Variants in PTPRD observed in about 807,000 individuals in gnomAD.
PTPRD encodes the protein receptor-type tyrosine-protein phosphatase delta.
A neutral mutation model predicts 214.5 loss-of-function variants in PTPRD; 34 were observed. The observed-to-expected ratio is 0.16, with a 90% CI of 0.12 to 0.21. The LOEUF (loss-of-function observed/expected upper bound fraction) is 0.21. PTPRD is among the 10% of genes least tolerant of loss of function. The probability of loss-of-function intolerance (pLI) is 1.00; values close to 1 mark genes in which losing one functional copy is unlikely to be tolerated. For missense variants in PTPRD, 2,545 were observed against 2,398.7 expected (o/e 1.06, Z -1.27); for synonymous variants, 1,128 against 845.7 (o/e 1.33, Z -5.79).
intron 11 of PTPRD, among the ~76,000 whole-genome samples, chr9:8,964,491 C>T (rs754016197): frequency 6.6e-6 from 1 of 151,496 alleles, no homozygotes; most frequent in East Asian, 1.9e-4. Flanking sequence ...TCCTGTTTAT[C>T]CTTTTAAAGA....
intron 3 of PTPRD, among the ~76,000 whole-genome samples, chr9:10,129,576 T>C (rs1436626112): frequency 6.7e-6 from 1 of 149,158 alleles, no homozygotes; most frequent in African/African-American, 2.5e-5. Flanking sequence ...TCTCACCTAC[T>C]ATCAAGAAAT....
intron 14 of PTPRD, among the ~76,000 whole-genome samples, chr9:8,620,682 G>C (rs781763231): frequency 2.0e-5 from 3 of 151,934 alleles, no homozygotes; most frequent in African/African-American, 4.8e-5. Context: ...AGCAGTGGAT[G>C]TGTACTGCCT....
At chr9:10,284,789 A>G (rs1357648416) in intron 3 of PTPRD, among the ~76,000 whole-genome samples, 5 of 152,078 alleles carry the variant, frequency 3.3e-5, no homozygotes, top group Non-Finnish European at 7.4e-5. Context: ...GGAGAGAGAG[A>G]GAGAGAGCAT....
chr9:10,302,843 T>C (rs1438546294), intron 3 of PTPRD, among the ~76,000 whole-genome samples: 1 of 152,114 alleles, frequency 6.6e-6, no homozygotes, highest in Non-Finnish European at 1.5e-5. Context: ...CTGTCAATAT[T>C]AGACAGATCA....
intron 11 of PTPRD, among the ~76,000 whole-genome samples, chr9:8,748,421 C>T (rs372494551): frequency 6.5e-4 from 97 of 149,848 alleles, no homozygotes; most frequent in African/African-American, 2.2e-3. Flanking sequence ...AGGATATAAA[C>T]CCAGGCATTC....
intron 10 of PTPRD, among the ~76,000 whole-genome samples, chr9:9,156,416 C>T (rs1180175110): frequency 6.6e-6 from 1 of 151,174 alleles, no homozygotes; most frequent in Non-Finnish European, 1.5e-5. Flanking sequence ...TTCATACTTG[C>T]TCACCTTTTT....
At chr9:9,058,691 C>T (rs200763793) in intron 10 of PTPRD, among the ~76,000 whole-genome samples, 1 of 151,390 alleles carries the variant, frequency 6.6e-6, no homozygotes, top group South Asian at 2.1e-4. Flanking sequence ...CCTCGTGATC[C>T]GCCCGCCTCG....
At chr9:9,300,444 C>T (rs146922200) in intron 9 of PTPRD, among the ~76,000 whole-genome samples, 10 of 151,862 alleles carry the variant, frequency 6.6e-5, no homozygotes, top group South Asian at 2.1e-4. Flanking sequence ...TCTGTCTAAA[C>T]GTCATTTTGC....
intron 14 of PTPRD, among the ~76,000 whole-genome samples, chr9:8,558,773 T>G (rs747644147): frequency 6.6e-6 from 1 of 152,190 alleles, no homozygotes; most frequent in Non-Finnish European, 1.5e-5. Context: ...GAACATCCTT[T>G]ATGACACCTT....
At chr9:10,258,392 C>G (rs1292951053) in intron 3 of PTPRD, among the ~76,000 whole-genome samples, 1 of 152,126 alleles carries the variant, frequency 6.6e-6, no homozygotes, top group East Asian at 1.9e-4. Flanking sequence ...AATATTATAA[C>G]ATAAGAGAAC....
At chr9:10,030,248 T>C (rs1256420063) in intron 4 of PTPRD, among the ~76,000 whole-genome samples, 2 of 152,026 alleles carry the variant, frequency 1.3e-5, no homozygotes, top group Non-Finnish European at 2.9e-5. Context: ...ATAAGATAGG[T>C]GAGAAGGTGA....
At chr9:8,724,865 G>A (rs891371200) in intron 12 of PTPRD, among the ~76,000 whole-genome samples, 1 of 152,198 alleles carries the variant, frequency 6.6e-6, no homozygotes, top group South Asian at 2.1e-4. Flanking sequence ...CCGAGCCCAG[G>A]AGGCAGAAGG....
chr9:8,353,037 G>A (rs1024446338), intron 39 of PTPRD, among the ~76,000 whole-genome samples: 2 of 151,218 alleles, frequency 1.3e-5, no homozygotes, highest in Non-Finnish European at 3.0e-5. Flanking sequence ...CTTGAACCCA[G>A]AAGGTGGAGG....
intron 6 of PTPRD, among the ~76,000 whole-genome samples, chr9:9,736,616 C>T (rs939673483): frequency 2.7e-4 from 41 of 152,056 alleles, no homozygotes; most frequent in African/African-American, 9.9e-4. Context: ...TATTTCTTTT[C>T]TGCTTAATTT....
intron 9 of PTPRD, among the ~76,000 whole-genome samples, chr9:9,319,096 C>T (rs1339707209): frequency 6.6e-6 from 1 of 152,196 alleles, no homozygotes; most frequent in Non-Finnish European, 1.5e-5. Flanking sequence ...TGATTTATCA[C>T]TTTTTAAATA....
intron 10 of PTPRD, among the ~76,000 whole-genome samples, chr9:9,154,569 A>G (rs895550183): frequency 6.6e-6 from 1 of 152,202 alleles, no homozygotes; most frequent in African/African-American, 2.4e-5. Context: ...AATTATTTAT[A>G]TAAAGGACTT....
At chr9:10,259,899 T>C (rs2093580599) in intron 3 of PTPRD, among the ~76,000 whole-genome samples, 2 of 152,254 alleles carry the variant, frequency 1.3e-5, no homozygotes, top group South Asian at 4.1e-4. Context: ...CCCTCTGTCA[T>C]ACTGACCCCA....
rs1333470758 is a variant in PTPRD at position 8,499,664 on chromosome 9, T to G, written c.2305A>C (p.Met769Leu). The change falls in exon 25 of 46, where the codon ATG becomes CTG. Residue 769 changes from methionine (M) to leucine (L), a missense_variant. Physicochemically the swap from Met to Leu is conservative, Grantham distance 15 (BLOSUM62 2). Coordinates refer to ENST00000381196, the MANE Select transcript of PTPRD (RefSeq NM_002839.4). The part of the protein sequence containing the change: ...PKGQPMLKDV[M>L]LADAQWEFDD... ...AGGCTTACCTGTGCATCAGCCAGCA[T>G]GACATCTTTCAGCATGGGCTGGCCC... 6.2e-7 allele frequency: 1 copy of G among 1,613,582 alleles called. No homozygotes were observed. The highest frequency in any genetic ancestry group is 2.2e-5 in the East Asian group (1 of 44,854).
chr9:10,096,354 GAA>G (rs1373510809), intron 3 of PTPRD, among the ~76,000 whole-genome samples: 1 of 151,564 alleles, frequency 6.6e-6, no homozygotes, highest in Non-Finnish European at 1.5e-5. Context: ...CTGGCTGACA[GAA>G]ACTGTTTAAA....
Sources: gnomAD v4.1 joint callset for allele counts (sites outside exome capture counted in the v4.1 genomes callset) on GRCh38, gnomAD v4.1.1 for gene constraint, MANE v1.5 for transcripts, NCBI Gene and HGNC (gene_info 2026-07-23, HGNC 2026-07-21) for gene names.